Variants in LCN12 observed in about 807,000 individuals in gnomAD.
LCN12 encodes lipocalin 12.
Under a neutral mutation model 23.7 loss-of-function variants are expected in LCN12, and 15 were observed. The observed-to-expected ratio is 0.63, with a 90% CI of 0.42 to 0.97. The LOEUF is 0.97. Ranked by LOEUF, LCN12 falls within the 50% of genes least tolerant of loss-of-function variation. The pLI is 0.00. For missense variants in LCN12, 219 were observed against 249.6 expected (o/e 0.88, Z 0.83); for synonymous variants, 116 against 111.5 (o/e 1.04, Z -0.25).
chr9:136,955,296 C>T, intron 5 of LCN12, 75 bp from the exon 6 acceptor site: 2 of 1,562,548 alleles, frequency 1.3e-6, no homozygotes, highest in Non-Finnish European at 8.7e-7. Flanking sequence ...TCCTTTGTGC[C>T]CTCCCTTGCT....
At chr9:136,956,176 GC>G (rs1588478137), downstream of LCN12, among the ~76,000 whole-genome samples, 2 of 152,044 alleles carry the variant, frequency 1.3e-5, no homozygotes, top group Admixed American at 1.3e-4. Context: ...GTCCATCTCA[GC>G]CCCCACTGTC....
chr9:136,955,909 G>A (rs1851311872), downstream of LCN12, among the ~76,000 whole-genome samples: 2 of 152,202 alleles, frequency 1.3e-5, no homozygotes, highest in Admixed American at 1.3e-4. Context: ...CTGGCCTGGA[G>A]CTACCAGGGT....
intron 4 of LCN12, 88 bp downstream of exon 4, chr9:136,954,052 G>T: frequency 1.3e-6 from 2 of 1,545,828 alleles, no homozygotes; most frequent in East Asian, 2.3e-5. Flanking sequence ...TCCCCACCCC[G>T]CCTGGAGTGA....
intron 1 of LCN12, 191 bp downstream of exon 1, chr9:136,952,632 C>T (rs932440462): frequency 4.8e-6 from 3 of 630,766 alleles, no homozygotes; most frequent in Non-Finnish European, 2.7e-6. Flanking sequence ...CATTCCCTGC[C>T]GTCAGCCCAG....
rs377426882 is a variant in LCN12, at chr9:136,955,447, G to C, written c.*48G>C. 3 of 1,569,638 alleles carry C rather than the reference G, an allele frequency of 1.9e-6. No individual in the cohort carries two copies. Among genetic ancestry groups the C allele is most frequent in the Middle Eastern group, 1.7e-4 (1 of 6,000 alleles). On this transcript the variant is annotated 3_prime_UTR_variant, in exon 6 of 6. Coordinates refer to ENST00000371633, the MANE Select transcript of LCN12 (RefSeq NM_178536.4). ...GCCCAGCCCTGCCTCACAGCTGTGC[G>C]AGCTCTGCCCTCCTCAGCTCTCAAA...
In LCN12 at chr9:136,953,951, G is replaced by C; in HGVS notation, c.435G>C (p.Arg145Ser). Residue 145 changes from arginine to serine, a missense_variant, in exon 4 of 6, where the codon AGG becomes AGC. Physicochemically the swap from Arg to Ser is moderately radical, Grantham distance 110 (BLOSUM62 -1). Transcript: ENST00000371633. ...RRHTSRLAVL[R>S]ISLLGRSWLL... ...ACACGAGCAGGCTGGCCGTCCTCAG[G>C]ATCAGCCTGCTGGGTGAGCCTCCCA... The C allele has an allele frequency of 6.2e-7, 1 of 1,609,886 alleles. No individual in the cohort carries two copies. The highest frequency in any genetic ancestry group is 8.5e-7 in the Non-Finnish European group (1 of 1,179,744).
upstream of LCN12, among the ~76,000 whole-genome samples, chr9:136,950,187 C>G (rs1379972054): frequency 1.3e-5 from 2 of 152,220 alleles, no homozygotes; most frequent in African/African-American, 4.8e-5. Flanking sequence ...GGAGCAGCAC[C>G]TGCGTCTGCC....
At position 136,954,155 on chromosome 9, in the gene LCN12, C is replaced by T. The variant is rs761686502; in HGVS notation, c.450C>T (p.Gly150=). 10 of 1,552,352 alleles carry T rather than the reference C, an allele frequency of 6.4e-6. No homozygotes were observed. The highest frequency in any genetic ancestry group is 8.7e-6 in the Non-Finnish European group (10 of 1,147,258). Residue 150 remains glycine, a splice_region_variant and synonymous_variant, in exon 5 of 6, where the codon GGC becomes GGT. Coordinates refer to ENST00000371633, the MANE Select transcript of LCN12 (RefSeq NM_178536.4). ...RLAVLRISLL[G]RSWLLPPGTL... ...CATGCTGGGCTCCCTGGGCTGCAGG[C>T]AGGAGCTGGTTGCTGCCTCCCGGGA...
chr9:136,955,773 G>C (rs953964136), downstream of LCN12, among the ~76,000 whole-genome samples: 7 of 152,210 alleles, frequency 4.6e-5, no homozygotes, highest in African/African-American at 1.7e-4. Flanking sequence ...GAGTTCGCAG[G>C]CTCTTCTCCA....
intron 2 of LCN12, 124 bp downstream of exon 2, chr9:136,953,152 C>A: frequency 3.8e-6 from 5 of 1,324,840 alleles, no homozygotes; most frequent in Non-Finnish European, 5.2e-6. Flanking sequence ...ACTCTGCCTG[C>A]CAATGACCAA....
At chr9:136,949,983 C>T (rs921072051), upstream of LCN12, among the ~76,000 whole-genome samples, 1 of 152,182 alleles carries the variant, frequency 6.6e-6, no homozygotes, top group African/African-American at 2.4e-5. Context: ...CGCGCCCGGC[C>T]CGCCCACCCC....
At chr9:136,954,394 C>G in intron 5 of LCN12, 139 bp downstream of exon 5, 1 of 1,005,374 alleles carries the variant, frequency 9.9e-7, no homozygotes, top group South Asian at 1.4e-5. Context: ...TCTCCAGGCT[C>G]CTGGGTCCCT....
chr9:136,952,849 C>A (rs1381344641), intron 1 of LCN12, 43 bp from the exon 2 acceptor site: 1 of 1,591,504 alleles, frequency 6.3e-7, no homozygotes, highest in Non-Finnish European at 8.5e-7. Context: ...TGCCCACTGC[C>A]ACCCCTGCCC....
chr9:136,952,937 A>C lies in LCN12; in HGVS notation c.160A>C (p.Arg54=). The change falls in exon 2 of 6, where the codon AGG becomes CGG. Residue 54 remains arginine (R), a synonymous_variant. Transcript: ENST00000371633. ...CCTGGGCCTGGCGGGCAACAGCTTC[A>C]GGCCGGAGCACAGGGCGCTGCTGAA... ...FVLGLAGNSF[R]PEHRALLNAF... 6.2e-7 allele frequency: 1 copy of C among 1,613,736 alleles called. No homozygotes were observed. Among genetic ancestry groups the C allele is most frequent in the Non-Finnish European group, 8.5e-7 (1 of 1,179,930 alleles).
At chr9:136,954,109 C>T in intron 4 of LCN12, 45 bp from the exon 5 acceptor site, 1 of 1,518,548 alleles carries the variant, frequency 6.6e-7, no homozygotes, top group Non-Finnish European at 8.9e-7. Context: ...AGCCCCCAAC[C>T]CCCTGCCAAG....
rs1274907072 is a variant in LCN12, at chr9:136,954,152, A to G, written c.449-2A>G. The G allele has an allele frequency of 6.5e-7, 1 of 1,550,374 alleles. No individual in the cohort carries two copies. Among genetic ancestry groups the G allele is most frequent in the East Asian group, 2.4e-5 (1 of 41,774 alleles). On this transcript the variant is annotated splice_acceptor_variant, in intron 4 of 5. Coordinates refer to ENST00000371633, the MANE Select transcript of LCN12 (RefSeq NM_178536.4). LOFTEE classifies it high-confidence loss of function. ...ACCCATGCTGGGCTCCCTGGGCTGC[A>G]GGCAGGAGCTGGTTGCTGCCTCCCG... is the stretch of plus-strand genomic sequence containing the variant.
upstream of LCN12, among the ~76,000 whole-genome samples, chr9:136,951,857 G>A (rs1364498880): frequency 6.6e-6 from 1 of 152,258 alleles, no homozygotes; most frequent in South Asian, 2.1e-4. Context: ...CGGCTGGCAG[G>A]CCCAGGCCCT....
chr9:136,955,290 T>C, intron 5 of LCN12, 81 bp from the exon 6 acceptor site: 1 of 1,555,552 alleles, frequency 6.4e-7, no homozygotes, highest in Non-Finnish European at 8.7e-7. Context: ...TGCCCCTCCT[T>C]TGTGCCCTCC....
At chr9:136,954,808 C>G (rs1851284033) in intron 5 of LCN12, 1 of 1,286,828 alleles carries the variant, frequency 7.8e-7, no homozygotes, top group Admixed American at 2.3e-5. Flanking sequence ...AGGCCTGACT[C>G]TTCTTGTGGG....
Sources: allele counts gnomAD v4.1 joint callset (sites outside exome capture counted in the v4.1 genomes callset), GRCh38; gene constraint gnomAD v4.1.1; transcripts MANE v1.5; gene names NCBI Gene and HGNC (gene_info 2026-07-23, HGNC 2026-07-21).